The following MYO6 variants were observed in gnomAD, a reference collection of about 807,000 sequenced individuals.
The protein encoded by MYO6 is unconventional myosin-VI.
MYO6 carries 74 observed loss-of-function variants against 178.7 expected under a neutral mutation model. That is an observed-to-expected ratio of 0.41 (90% CI 0.34 to 0.50). The LOEUF is 0.50. Ranked by LOEUF, MYO6 falls within the 20% of genes least tolerant of loss-of-function variation. MYO6 has a pLI of 0.09. For synonymous variants in MYO6, 477 were observed against 504.6 expected (o/e 0.95, Z 0.73); for missense variants, 1,330 against 1,547.4 (o/e 0.86, Z 2.36).
At chr6:75,763,635 T>C (rs956095701) in intron 1 of MYO6, among the ~76,000 whole-genome samples, 2 of 152,186 alleles carry the variant, frequency 1.3e-5, no homozygotes, top group Admixed American at 6.5e-5. Flanking sequence ...TTTGTAGGCT[T>C]ATCTACAGTA....
intron 1 of MYO6, 43 bp from the exon 2 acceptor site, chr6:75,817,458 T>G: frequency 1.9e-6 from 2 of 1,028,472 alleles, no homozygotes; most frequent in South Asian, 2.5e-5. Flanking sequence ...TTATATATAT[T>G]TCAAAACTGA....
chr6:75,755,887 A>G (rs554879761), intron 1 of MYO6, among the ~76,000 whole-genome samples: 2 of 152,364 alleles, frequency 1.3e-5, no homozygotes, highest in Non-Finnish European at 2.9e-5. Flanking sequence ...GGATGTAATC[A>G]ACAGGGCTGA....
intron 30 of MYO6, among the ~76,000 whole-genome samples, chr6:75,906,388 C>T (rs1277094700): frequency 6.6e-6 from 1 of 152,092 alleles, no homozygotes; most frequent in Non-Finnish European, 1.5e-5. Context: ...GCATAAAAGT[C>T]TTAAAGGCCA....
At chr6:75,862,535 C>A in intron 15 of MYO6, 61 bp from the exon 16 acceptor site, 1 of 1,425,706 alleles carries the variant, frequency 7.0e-7, no homozygotes, top group Non-Finnish European at 9.8e-7. Context: ...GTGAATTGTT[C>A]ACATATCTTT....
At chr6:75,792,631 T>G (rs1022520642) in intron 1 of MYO6, among the ~76,000 whole-genome samples, 1 of 152,086 alleles carries the variant, frequency 6.6e-6, no homozygotes, top group Non-Finnish European at 1.5e-5. Flanking sequence ...TTTTGTGGGA[T>G]TGCCACTAGG....
chr6:75,840,562 T>C, intron 7 of MYO6, 23 bp from the exon 8 acceptor site: 1 of 1,530,860 alleles, frequency 6.5e-7, no homozygotes, highest in Non-Finnish European at 9.1e-7. Flanking sequence ...AATTTTTTGA[T>C]GGATTTTTTT....
At chr6:75,890,391 G>A (rs1778811019) in intron 26 of MYO6, 126 bp downstream of exon 26, 3 of 1,362,840 alleles carry the variant, frequency 2.2e-6, no homozygotes, top group African/African-American at 2.9e-5. Flanking sequence ...CTGTTGCCCA[G>A]GCTGGAGTGC....
intron 11 of MYO6, among the ~76,000 whole-genome samples, chr6:75,852,787 T>C (rs752326632): frequency 2.0e-5 from 3 of 152,228 alleles, no homozygotes; most frequent in Admixed American, 6.5e-5. Context: ...TTGGCTATTA[T>C]GAATAATGCT....
At chr6:75,848,712 C>G (rs1253355813) in intron 11 of MYO6, among the ~76,000 whole-genome samples, 181 bp downstream of exon 11, 1 of 131,402 alleles carries the variant, frequency 7.6e-6, no homozygotes, top group Non-Finnish European at 1.7e-5. Context: ...TCATTCTGAG[C>G]TCTGTTTTGA....
chr6:75,787,821 A>G (rs1386841312), intron 1 of MYO6, among the ~76,000 whole-genome samples: 1 of 142,068 alleles, frequency 7.0e-6, no homozygotes, highest in African/African-American at 2.6e-5. Flanking sequence ...GTGCAGTGGC[A>G]CAATCATGGC....
At chr6:75,791,188 C>A (rs1236370164) in intron 1 of MYO6, among the ~76,000 whole-genome samples, 1 of 152,210 alleles carries the variant, frequency 6.6e-6, no homozygotes, top group Non-Finnish European at 1.5e-5. Context: ...CCACCTTGGC[C>A]TCCCAAAGTG....
At chr6:75,879,348 G>T (rs1777823649) in intron 20 of MYO6, among the ~76,000 whole-genome samples, 1 of 151,882 alleles carries the variant, frequency 6.6e-6, no homozygotes, top group South Asian at 2.1e-4. Flanking sequence ...TGGCTCAGAT[G>T]ATCCTCCTGT....
intron 3 of MYO6, 139 bp from the exon 4 acceptor site, chr6:75,828,401 G>A: frequency 1.6e-6 from 1 of 611,330 alleles, no homozygotes; most frequent in Non-Finnish European, 3.0e-6. Context: ...CATCAGCCAG[G>A]GTTTTAAAAA....
chr6:75,854,991 G>A (rs1042409676), intron 11 of MYO6, 148 bp from the exon 12 acceptor site: 2 of 710,272 alleles, frequency 2.8e-6, no homozygotes, highest in Non-Finnish European at 4.7e-6. Flanking sequence ...GACAAGGATA[G>A]TGAAAAAGTG....
intron 29 of MYO6, among the ~76,000 whole-genome samples, chr6:75,896,514 A>G (rs1416663964): frequency 6.6e-6 from 1 of 152,246 alleles, no homozygotes; most frequent in Non-Finnish European, 1.5e-5. Flanking sequence ...TATTCTCTCA[A>G]TTACACAGTA....
At chr6:75,791,912 A>G (rs577890341) in intron 1 of MYO6, among the ~76,000 whole-genome samples, 2 of 152,170 alleles carry the variant, frequency 1.3e-5, no homozygotes, top group South Asian at 2.1e-4. Context: ...ATTTATTAAA[A>G]CGCAGAATTT....
At chr6:75,830,295 T>G (rs1302885897) in intron 4 of MYO6, 121 bp from the exon 5 acceptor site, 2 of 811,498 alleles carry the variant, frequency 2.5e-6, no homozygotes, top group African/African-American at 1.7e-5. Flanking sequence ...AGGACTGATT[T>G]GGGAGTCTTA....
At chr6:75,778,801 A>G (rs958936107) in intron 1 of MYO6, among the ~76,000 whole-genome samples, 11 of 151,846 alleles carry the variant, frequency 7.2e-5, no homozygotes. Context: ...TCACGCCTGT[A>G]ATCCCAGTAT....
At chr6:75,796,514 G>T (rs1045833399) in intron 1 of MYO6, among the ~76,000 whole-genome samples, 3 of 152,024 alleles carry the variant, frequency 2.0e-5, no homozygotes, top group Admixed American at 2.0e-4. Context: ...GAGGTTTAGG[G>T]TATAGATGAT....
Sources: gnomAD v4.1 joint callset for allele counts (sites outside exome capture counted in the v4.1 genomes callset) on GRCh38, gnomAD v4.1.1 for gene constraint, MANE v1.5 for transcripts, NCBI Gene and HGNC (gene_info 2026-07-23, HGNC 2026-07-21) for gene names.